Variants in TRIM9 observed in about 807,000 individuals in gnomAD.
TRIM9 encodes tripartite motif containing 9.
Under a neutral mutation model 78.3 loss-of-function variants are expected in TRIM9, and 26 were observed. That is an observed-to-expected ratio of 0.33 (90% confidence interval 0.24 to 0.46). TRIM9 has a LOEUF of 0.46. Ranked by LOEUF, TRIM9 falls within the 20% of genes least tolerant of loss-of-function variation. The probability of loss-of-function intolerance (pLI) is 1.00; values close to 1 mark genes in which losing one functional copy is unlikely to be tolerated. For synonymous variants in TRIM9, 398 were observed against 416.5 expected (o/e 0.96, Z 0.54); for missense variants, 787 against 1,036.4 (o/e 0.76, Z 3.30).
In TRIM9 at chr14:51,000,564, C is replaced by T. The variant is rs566138005; in HGVS notation, c.1464+119G>A. Reference sequence around the variant, plus strand: ...GGCTTCAGGTGAAGGGCAGGCAGGCCCTGCCAGGATGGCCTGTCCCCAGGA... The same window carrying T: ...GGCTTCAGGTGAAGGGCAGGCAGGCTCTGCCAGGATGGCCTGTCCCCAGGA... On this transcript the variant is annotated intron_variant, in intron 6 of 12. Transcript: ENST00000684578. 7.8e-5 allele frequency: 108 copies of T among 1,387,866 alleles called. No homozygotes were observed. In the African/African-American group the frequency reaches 1.4e-3, roughly 18 times the overall value. The allele number at this position is 1,387,866 out of a possible 1,614,324, so 86.0% of individuals were successfully genotyped here.
chr14:51,080,472 C>T (rs2140301977), intron 1 of TRIM9, among the ~76,000 whole-genome samples: 1 of 133,822 alleles, frequency 7.5e-6, no homozygotes, highest in East Asian at 2.0e-4. Flanking sequence ...CACACACACA[C>T]ACACACACGG....
At chr14:50,978,207 C>T (rs1236106591) in intron 12 of TRIM9, among the ~76,000 whole-genome samples, 1 of 152,176 alleles carries the variant, frequency 6.6e-6, no homozygotes, top group East Asian at 1.9e-4. Flanking sequence ...TGAAACACAA[C>T]AATGAATTTT....
chr14:51,008,441 C>G (rs770541352), intron 5 of TRIM9, among the ~76,000 whole-genome samples: 1 of 152,182 alleles, frequency 6.6e-6, no homozygotes, highest in African/African-American at 2.4e-5. Flanking sequence ...TATTACACTG[C>G]CATAAAAATG....
At chr14:51,075,259 T>C (rs1222243859) in intron 1 of TRIM9, among the ~76,000 whole-genome samples, 3 of 152,312 alleles carry the variant, frequency 2.0e-5, no homozygotes, top group East Asian at 3.9e-4. Context: ...TCTAGGTTCC[T>C]TGATGGAGCC....
At chr14:51,029,196 G>T (rs1693979580) in intron 1 of TRIM9, among the ~76,000 whole-genome samples, 2 of 152,156 alleles carry the variant, frequency 1.3e-5, no homozygotes, top group African/African-American at 2.4e-5. Context: ...TGGGACAAAT[G>T]AAAAGAAGCT....
intron 1 of TRIM9, among the ~76,000 whole-genome samples, chr14:51,068,565 G>A (rs1459576135): frequency 2.0e-5 from 3 of 152,124 alleles, no homozygotes; most frequent in Non-Finnish European, 2.9e-5. Context: ...TTTTATCCCC[G>A]TTTTACAGAT....
At chr14:51,055,698 A>T (rs964584977) in intron 1 of TRIM9, among the ~76,000 whole-genome samples, 6 of 152,230 alleles carry the variant, frequency 3.9e-5, no homozygotes, top group Non-Finnish European at 5.9e-5. Flanking sequence ...TGACACCTCG[A>T]TTTTAGCCCA....
intron 2 of TRIM9, among the ~76,000 whole-genome samples, chr14:51,023,265 G>GTGTTTTGAACA (rs1345800500): frequency 6.6e-6 from 1 of 152,106 alleles, no homozygotes; most frequent in East Asian, 1.9e-4. Context: ...GTTTTTGAGG[G>GTGTTTTGAACA]CCACATATGT....
intron 1 of TRIM9, among the ~76,000 whole-genome samples, chr14:51,052,205 T>A (rs771936550): frequency 6.6e-6 from 1 of 152,188 alleles, no homozygotes; most frequent in Admixed American, 6.5e-5. Context: ...TATCTCAATA[T>A]ATATTTTTCC....
chr14:50,986,061 T>A lies in TRIM9; in HGVS notation c.1687A>T (p.Thr563Ser), dbSNP rs1049598656. The A allele has an allele frequency of 1.3e-6, 2 of 1,549,482 alleles. No individual in the cohort carries two copies. Among genetic ancestry groups the A allele is most frequent in the Non-Finnish European group, 1.7e-6 (2 of 1,146,454 alleles). ...GGGAAGCTGGGTTGTAGATTAAGGG[T>A]GGAGGAGAAAGGACTCATTCTACGG... is the stretch of plus-strand genomic sequence containing the variant. ...PLRRMSPFSS[T>S]LNLQPSFPGR... The change falls in exon 8 of 13, where the codon ACC becomes TCC. Residue 563 changes from threonine (T) to serine (S), a missense_variant. Transcript: ENST00000684578.
At chr14:51,054,994 T>C (rs2060782487) in intron 1 of TRIM9, among the ~76,000 whole-genome samples, 1 of 151,586 alleles carries the variant, frequency 6.6e-6, no homozygotes, top group Non-Finnish European at 1.5e-5. Flanking sequence ...CAGGCCCAGC[T>C]AATTTTTGCA....
intron 1 of TRIM9, among the ~76,000 whole-genome samples, chr14:51,047,120 C>A (rs2060008866): frequency 6.6e-6 from 1 of 152,108 alleles, no homozygotes; most frequent in African/African-American, 2.4e-5. Context: ...TCTGCTTGAG[C>A]TGGGGTTGAC....
intron 1 of TRIM9, among the ~76,000 whole-genome samples, chr14:51,050,115 T>G (rs2060278102): frequency 6.6e-6 from 1 of 152,350 alleles, no homozygotes; most frequent in South Asian, 2.1e-4. Flanking sequence ...TAAATCACCA[T>G]ATGGCCATAG....
At position 50,976,019 on chromosome 14, in the gene TRIM9, G is replaced by A. The variant is rs1275452972; in HGVS notation, c.*1272C>T. ...CATAACAGGCACAGATAGTATATAT[G>A]GAGACAAGCATGTTTATCCTGAGAA... On this transcript the variant is annotated 3_prime_UTR_variant, in exon 13 of 13. Transcript: ENST00000684578. 3 of 152,580 alleles carry A rather than the reference G, an allele frequency of 2.0e-5. No homozygotes were observed. Among genetic ancestry groups the A allele is most frequent in the Admixed American group, 6.5e-5 (1 of 15,268 alleles). The allele number at this position is 152,580 out of a possible 1,614,324, so 9.5% of individuals were successfully genotyped here.
At chr14:50,980,619 C>T (rs943639455) in intron 11 of TRIM9, among the ~76,000 whole-genome samples, 1 of 152,212 alleles carries the variant, frequency 6.6e-6, no homozygotes, top group Non-Finnish European at 1.5e-5. Context: ...TGTCATTATT[C>T]ACTCCTGCAC....
At chr14:50,986,600 T>C (rs1364912175) in intron 7 of TRIM9, 1 of 152,468 alleles carries the variant, frequency 6.6e-6, no homozygotes, top group Non-Finnish European at 1.5e-5. Flanking sequence ...CTGTTTCCTA[T>C]TCCATATTTT....
chr14:51,094,011 T>C (rs2064700757), intron 1 of TRIM9, 107 bp downstream of exon 1: 1 of 1,149,260 alleles, frequency 8.7e-7, no homozygotes, highest in Middle Eastern at 2.1e-4. Context: ...GGCACCTGCA[T>C]TGCGCCCCCA....
At chr14:50,987,899 C>A (rs10140413) in intron 7 of TRIM9, among the ~76,000 whole-genome samples, 96 of 152,282 alleles carry the variant, frequency 6.3e-4, no homozygotes, top group Non-Finnish European at 1.3e-3. Flanking sequence ...CTTCCTGGAT[C>A]AAGTGATTCT....
rs937934624 is a variant in TRIM9, at chr14:50,998,197, C to T, written c.1465-9G>A. 6.2e-7 allele frequency: 1 copy of T among 1,613,922 alleles called. No individual in the cohort carries two copies. Among genetic ancestry groups the T allele is most frequent in the African/African-American group, 1.3e-5 (1 of 75,036 alleles). On this transcript the variant is annotated splice_polypyrimidine_tract_variant and intron_variant, in intron 6 of 12. Transcript: ENST00000684578. ...TTCCCCACATACACCTCCTGAGAGT[C>T]AGCAAAGAACAGGACAGCACTTAGC...
Sources: allele counts gnomAD v4.1 joint callset (sites outside exome capture counted in the v4.1 genomes callset), GRCh38; gene constraint gnomAD v4.1.1; transcripts MANE v1.5; gene names NCBI Gene and HGNC (gene_info 2026-07-23, HGNC 2026-07-21).